TSC22D2: variants seen among roughly 807,000 people sequenced by gnomAD.
The protein encoded by TSC22D2 is TSC22 domain family member 2.
TSC22D2 carries 5 observed loss-of-function variants against 50.1 expected under a neutral mutation model. That is an observed-to-expected ratio of 0.10 (90% confidence interval 0.05 to 0.21). The LOEUF is 0.21. TSC22D2 is among the 10% of genes least tolerant of loss of function. The pLI, the probability that TSC22D2 is intolerant of heterozygous loss-of-function variation, is 1.00. For synonymous variants in TSC22D2, 501 were observed against 450.1 expected, an observed-to-expected ratio of 1.11 and a Z score of -1.43; for missense variants, 1,003 against 1,015.5, an observed-to-expected ratio of 0.99 and a Z score of 0.17.
intron 1 of TSC22D2, among the ~76,000 whole-genome samples, chr3:150,416,889 AAAT>A (rs1281007362): frequency 6.6e-6 from 1 of 152,156 alleles, no homozygotes; most frequent in Non-Finnish European, 1.5e-5. Flanking sequence ...TTAAAGCCTC[AAAT>A]CAGACTTAAA....
rs16862646 is a variant in TSC22D2, at chr3:150,436,970, C to T, written c.1959-20106C>T. Reference sequence around the variant, plus strand: ...TCTTTCAGTTTTCTATAGCTTTATGCGTATTGATCATCCTCAGTAAGGGCC... The same window carrying T: ...TCTTTCAGTTTTCTATAGCTTTATGTGTATTGATCATCCTCAGTAAGGGCC... On this transcript the variant is annotated intron_variant, in intron 1 of 2. Coordinates refer to ENST00000688009, the MANE Select transcript of TSC22D2 (RefSeq NM_001303264.2). Among the ~76,000 whole-genome samples, 200 of 152,134 alleles carry T rather than the reference C, an allele frequency of 1.3e-3. 1 individual carries two copies. The South Asian group carries it at 0.023, about 17-fold the overall frequency.
chr3:150,448,895 T>A lies in TSC22D2; in HGVS notation c.1959-8181T>A, dbSNP rs1553732625. 6.1e-5 allele frequency among the ~76,000 whole-genome samples: 9 copies of A among 146,938 alleles called. No homozygotes were observed. The South Asian group carries it at 9.1e-4, about 15-fold the overall frequency. Reference sequence around the variant, plus strand: ...AATCTTGTATATATATATATATATATAATTAGGGGATAAATTTTTAATGTA... The same window carrying A: ...AATCTTGTATATATATATATATATAAAATTAGGGGATAAATTTTTAATGTA... On this transcript the variant is annotated intron_variant, in intron 1 of 2. Coordinates refer to ENST00000688009, the MANE Select transcript of TSC22D2 (RefSeq NM_001303264.2).
chr3:150,456,898 T>C (rs961067302), intron 1 of TSC22D2, 178 bp from the exon 2 acceptor site: 2 of 598,916 alleles, frequency 3.3e-6, no homozygotes, highest in Non-Finnish European at 5.8e-6. Context: ...ATCTATTTAC[T>C]GAGACTTTCA....
At position 150,414,424 on chromosome 3, in the gene TSC22D2, A is replaced by G. The variant is rs958196627; in HGVS notation, c.1958+3116A>G. Among the ~76,000 whole-genome samples the G allele has an allele frequency of 3.9e-5, 6 of 152,224 alleles. No homozygotes were observed. The East Asian group carries it at 9.6e-4, about 24-fold the overall frequency. ...ACTGGCCCTTTTGGAAAAGGAACACAGTACAGATCACTTTCCATAGATAGC... is the reference window on the plus strand; with the variant it reads ...ACTGGCCCTTTTGGAAAAGGAACACGGTACAGATCACTTTCCATAGATAGC... On this transcript the variant is annotated intron_variant, in intron 1 of 2. Transcript: ENST00000688009.
At chr3:150,424,766 G>A (rs1720125387) in intron 1 of TSC22D2, among the ~76,000 whole-genome samples, 1 of 152,176 alleles carries the variant, frequency 6.6e-6, no homozygotes, top group Non-Finnish European at 1.5e-5. Context: ...ATATTTGTCT[G>A]TAGTGTGTTA....
Position 150,410,496 on chromosome 3 carries a change from G to A in TSC22D2, c.1146G>A (p.Gln382=). The change falls in exon 1 of 3, where the codon CAG becomes CAA. Residue 382 remains glutamine (Q), a synonymous_variant. Transcript: ENST00000688009. ...CCTCCGGCCAGAGTGAGTACCTGCAGCAGCACGTGGCCGGCCTGCAGCCGC... is the reference window on the plus strand; with the variant it reads ...CCTCCGGCCAGAGTGAGTACCTGCAACAGCACGTGGCCGGCCTGCAGCCGC... ...VQPSGQSEYL[Q]QHVAGLQPPS... 1 of 1,601,756 alleles carries A rather than the reference G, an allele frequency of 6.2e-7. No individual in the cohort carries two copies. The highest frequency in any genetic ancestry group is 8.5e-7 in the Non-Finnish European group (1 of 1,175,582).
At chr3:150,438,993 C>G (rs1720633897) in intron 1 of TSC22D2, among the ~76,000 whole-genome samples, 1 of 151,904 alleles carries the variant, frequency 6.6e-6, no homozygotes, top group Non-Finnish European at 1.5e-5. Flanking sequence ...TCTTATTTTG[C>G]TTTGTTTTAC....
chr3:150,410,814 C>T lies in TSC22D2; in HGVS notation c.1464C>T (p.Gly488=). 6.2e-7 allele frequency: 1 copy of T among 1,613,406 alleles called. No individual in the cohort carries two copies. Among genetic ancestry groups the T allele is most frequent in the Non-Finnish European group, 8.5e-7 (1 of 1,179,974 alleles). ...CCGTGCCTCCGCCGCAGATGGGTGG[C>T]AGTGGTCCGCTGTCAGCCGTACCTG... ...PQSVPPPQMG[G]SGPLSAVPGG... Residue 488 remains glycine, a synonymous_variant, in exon 1 of 3, where the codon GGC becomes GGT. Coordinates refer to ENST00000688009, the MANE Select transcript of TSC22D2 (RefSeq NM_001303264.2).
At chr3:150,435,615 T>C (rs1720514346) in intron 1 of TSC22D2, among the ~76,000 whole-genome samples, 1 of 152,192 alleles carries the variant, frequency 6.6e-6, no homozygotes, top group African/African-American at 2.4e-5. Context: ...TTCAGAATCT[T>C]TTAAGGAAAT....
chr3:150,410,386 G>C lies in TSC22D2; in HGVS notation c.1036G>C (p.Val346Leu). Reference protein sequence around the residue: ...MSLPPQPGPAVGAPAAQQPQQ... With the variant: ...MSLPPQPGPALGAPAAQQPQQ... ...CCTGCCTCCGCAGCCGGGCCCTGCAGTGGGCGCCCCCGCGGCGCAGCAGCC... is the reference window on the plus strand; with the variant it reads ...CCTGCCTCCGCAGCCGGGCCCTGCACTGGGCGCCCCCGCGGCGCAGCAGCC... The change falls in exon 1 of 3, where the codon GTG becomes CTG. Residue 346 changes from valine to leucine, a missense_variant. Coordinates refer to ENST00000688009, the MANE Select transcript of TSC22D2 (RefSeq NM_001303264.2). The C allele has an allele frequency of 6.2e-7, 1 of 1,606,310 alleles. No individual in the cohort carries two copies. The highest frequency in any genetic ancestry group is 8.5e-7 in the Non-Finnish European group (1 of 1,177,166).
chr3:150,431,332 A>G (rs1006216122), intron 1 of TSC22D2, among the ~76,000 whole-genome samples: 2 of 151,980 alleles, frequency 1.3e-5, no homozygotes, highest in Non-Finnish European at 2.9e-5. Flanking sequence ...TCTTACCAAC[A>G]ATATAATTAC....
At chr3:150,447,238 A>G (rs1468671830) in intron 1 of TSC22D2, among the ~76,000 whole-genome samples, 1 of 152,208 alleles carries the variant, frequency 6.6e-6, no homozygotes, top group Admixed American at 6.5e-5. Flanking sequence ...TTAGATGAAA[A>G]GAATAAGTAG....
intron 1 of TSC22D2, among the ~76,000 whole-genome samples, chr3:150,419,041 C>T (rs1203950738): frequency 6.6e-6 from 1 of 152,002 alleles, no homozygotes; most frequent in Admixed American, 6.6e-5. Flanking sequence ...TTGAGATACT[C>T]TACCAAAATT....
chr3:150,452,655 A>G (rs1388877303), intron 1 of TSC22D2, among the ~76,000 whole-genome samples: 1 of 152,222 alleles, frequency 6.6e-6, no homozygotes, highest in African/African-American at 2.4e-5. Context: ...TGGAAAGCCA[A>G]CCTGCCTTAC....
intron 1 of TSC22D2, among the ~76,000 whole-genome samples, chr3:150,441,945 ATC>A (rs1466116673): frequency 6.6e-6 from 1 of 151,986 alleles, no homozygotes; most frequent in Admixed American, 6.6e-5. Flanking sequence ...AACTTACCTG[ATC>A]TCTCATAGCT....
chr3:150,455,780 T>C (rs1002939980), intron 1 of TSC22D2, among the ~76,000 whole-genome samples: 5 of 152,228 alleles, frequency 3.3e-5, no homozygotes, highest in African/African-American at 1.2e-4. Flanking sequence ...GTATACTTTA[T>C]GAAGAATATT....
At chr3:150,454,848 TGTC>T (rs1488221129) in intron 1 of TSC22D2, among the ~76,000 whole-genome samples, 1 of 152,180 alleles carries the variant, frequency 6.6e-6, no homozygotes, top group Non-Finnish European at 1.5e-5. Flanking sequence ...TTTCTTCTGT[TGTC>T]ATAAAAGAGA....
chr3:150,433,378 C>A (rs1182208256), intron 1 of TSC22D2, among the ~76,000 whole-genome samples: 1 of 152,196 alleles, frequency 6.6e-6, no homozygotes, highest in African/African-American at 2.4e-5. Flanking sequence ...ATTTCAGTAT[C>A]AATGCTAATG....
intron 1 of TSC22D2, among the ~76,000 whole-genome samples, chr3:150,434,904 A>T (rs1720488718): frequency 6.6e-6 from 1 of 152,184 alleles, no homozygotes; most frequent in South Asian, 2.1e-4. Flanking sequence ...GTCTTAAATT[A>T]TATCTTGGCT....
Sources: gnomAD v4.1 joint callset for allele counts (sites outside exome capture counted in the v4.1 genomes callset) on GRCh38, gnomAD v4.1.1 for gene constraint, MANE v1.5 for transcripts, NCBI Gene and HGNC (gene_info 2026-07-23, HGNC 2026-07-21) for gene names.